Variants in OXR1 observed in about 807,000 individuals in gnomAD.
OXR1 encodes oxidation resistance protein 1.
A neutral mutation model predicts 104.6 loss-of-function variants in OXR1; 41 were observed. That is an observed-to-expected ratio of 0.39 (90% CI 0.31 to 0.51). The LOEUF (loss-of-function observed/expected upper bound fraction) is 0.51. Among genes scored for constraint, OXR1 ranks in the 20% least tolerant of loss-of-function variants. OXR1 has a pLI of 0.77. For missense variants in OXR1, 955 were observed against 1,031.9 expected, an observed-to-expected ratio of 0.93 and a Z score of 1.02; for synonymous variants, 348 against 348.4, an observed-to-expected ratio of 1.00 and a Z score of 0.01.
chr8:106,523,291 C>T (rs1813394329), intron 3 of OXR1, among the ~76,000 whole-genome samples: 1 of 152,166 alleles, frequency 6.6e-6, no homozygotes, highest in Admixed American at 6.5e-5. Flanking sequence ...GTCTTAAGGT[C>T]CACACAACCT....
chr8:106,517,042 GA>G (rs1812906542), intron 2 of OXR1, among the ~76,000 whole-genome samples: 1 of 152,090 alleles, frequency 6.6e-6, no homozygotes, highest in African/African-American at 2.4e-5. Flanking sequence ...AATTTCTCAT[GA>G]AAATGTTTTA....
intron 1 of OXR1, among the ~76,000 whole-genome samples, chr8:106,288,331 ACT>A (rs898938374): frequency 3.0e-4 from 46 of 152,016 alleles, no homozygotes; most frequent in Non-Finnish European, 8.8e-5. Context: ...TACAGTACAG[ACT>A]CTGATGCAAA....
chr8:106,280,886 G>C (rs1287073049), intron 1 of OXR1, among the ~76,000 whole-genome samples: 1 of 152,172 alleles, frequency 6.6e-6, no homozygotes, highest in Non-Finnish European at 1.5e-5. Flanking sequence ...GGAAATCTGT[G>C]CTCATCCATG....
chr8:106,577,406 T>TTTTTG, intron 3 of OXR1, among the ~76,000 whole-genome samples: 2 of 116,408 alleles, frequency 1.7e-5, no homozygotes, highest in Admixed American at 9.2e-5. Context: ...TTTTTTTTTT[T>TTTTTG]GAGACAGAGT....
chr8:106,722,654 G>A (rs1008324834), intron 11 of OXR1, among the ~76,000 whole-genome samples: 2 of 152,092 alleles, frequency 1.3e-5, no homozygotes, highest in Admixed American at 6.5e-5. Context: ...GTACAGTAAC[G>A]TGCTATATGG....
chr8:106,577,297 A>C (rs1817910167), intron 3 of OXR1, among the ~76,000 whole-genome samples: 1 of 136,278 alleles, frequency 7.3e-6, no homozygotes, highest in African/African-American at 2.8e-5. Flanking sequence ...TGCAACCTCC[A>C]CCTCCCAGGT....
At chr8:106,610,109 T>G (rs1820703977) in intron 3 of OXR1, among the ~76,000 whole-genome samples, 1 of 151,988 alleles carries the variant, frequency 6.6e-6, no homozygotes, top group African/African-American at 2.4e-5. Flanking sequence ...TGATTTTTTT[T>G]TTTTTTTTAT....
At chr8:106,326,103 G>A (rs1814457399) in intron 1 of OXR1, among the ~76,000 whole-genome samples, 1 of 152,216 alleles carries the variant, frequency 6.6e-6, no homozygotes, top group Non-Finnish European at 1.5e-5. Flanking sequence ...TGAATGTTCT[G>A]TGATTGCTGA....
intron 1 of OXR1, among the ~76,000 whole-genome samples, chr8:106,336,036 C>T (rs1364360419): frequency 6.6e-6 from 1 of 152,134 alleles, no homozygotes; most frequent in Non-Finnish European, 1.5e-5. Flanking sequence ...GCAGAGGTTG[C>T]GGTGAGCCAA....
At chr8:106,609,756 T>C (rs1007730110) in intron 3 of OXR1, among the ~76,000 whole-genome samples, 2 of 152,152 alleles carry the variant, frequency 1.3e-5, no homozygotes, top group African/African-American at 4.8e-5. Flanking sequence ...GAAATATACA[T>C]TTCCTATTTA....
At chr8:106,299,184 C>G (rs867381546) in intron 1 of OXR1, among the ~76,000 whole-genome samples, 1 of 151,842 alleles carries the variant, frequency 6.6e-6, no homozygotes, top group Non-Finnish European at 1.5e-5. Context: ...TCATTCTGGA[C>G]TGAGGCTGAC....
At chr8:106,593,645 C>A (rs1056509809) in intron 3 of OXR1, among the ~76,000 whole-genome samples, 1 of 152,094 alleles carries the variant, frequency 6.6e-6, no homozygotes, top group Non-Finnish European at 1.5e-5. Context: ...GGTGTGGTGG[C>A]AGGCGCCTGT....
chr8:106,316,736 C>CTA (rs1813975480), intron 1 of OXR1, among the ~76,000 whole-genome samples: 1 of 132,546 alleles, frequency 7.5e-6, no homozygotes, highest in African/African-American at 2.7e-5. Flanking sequence ...ATCTATCTAT[C>CTA]TATCTATCTA....
intron 2 of OXR1, among the ~76,000 whole-genome samples, chr8:106,448,841 T>C (rs965049655): frequency 1.3e-5 from 2 of 152,192 alleles, no homozygotes; most frequent in Non-Finnish European, 2.9e-5. Context: ...ACTGTAAGAA[T>C]GCATTTTCTT....
rs539027890 is a variant in OXR1 at position 106,366,624 on chromosome 8, A to AT, written c.23+6996dup. On this transcript the variant is annotated intron_variant, in intron 2 of 16. Transcript: ENST00000517566. The stretch of plus-strand genomic sequence containing the variant: ...CATGAATATAAGGCTGATATTTCTA[A>AT]TTTTTTTTAAAAGGAGAACTCTGTG... 4.6e-3 allele frequency among the ~76,000 whole-genome samples: 704 copies of AT among 152,196 alleles called. 5 individuals carry two copies. The highest frequency in any genetic ancestry group is 0.016 in the African/African-American group (667 of 41,514).
At chr8:106,457,084 T>C (rs1308993004) in intron 2 of OXR1, among the ~76,000 whole-genome samples, 1 of 152,170 alleles carries the variant, frequency 6.6e-6, no homozygotes, top group African/African-American at 2.4e-5. Flanking sequence ...ATTAAAGACA[T>C]TTGATAAATA....
intron 1 of OXR1, among the ~76,000 whole-genome samples, chr8:106,330,579 G>A (rs1467802607): frequency 6.6e-6 from 1 of 152,174 alleles, no homozygotes; most frequent in Non-Finnish European, 1.5e-5. Context: ...AATTGTAGAA[G>A]CTTCTCTGGA....
intron 1 of OXR1, among the ~76,000 whole-genome samples, chr8:106,345,561 C>T (rs1330957446): frequency 6.6e-6 from 1 of 152,142 alleles, no homozygotes; most frequent in East Asian, 1.9e-4. Flanking sequence ...TATAGAGTAT[C>T]TCCATATAGA....
chr8:106,427,177 A>G (rs1001028048), intron 2 of OXR1, among the ~76,000 whole-genome samples: 1 of 151,776 alleles, frequency 6.6e-6, no homozygotes, highest in African/African-American at 2.4e-5. Flanking sequence ...TTATTTATTT[A>G]TTTATTTATT....
Sources: gnomAD v4.1 joint callset for allele counts (sites outside exome capture counted in the v4.1 genomes callset) on GRCh38, gnomAD v4.1.1 for gene constraint, MANE v1.5 for transcripts, NCBI Gene and HGNC (gene_info 2026-07-23, HGNC 2026-07-21) for gene names.